The following CYP7B1 variants were observed in gnomAD, a reference collection of about 807,000 sequenced individuals.
The protein encoded by CYP7B1 is cytochrome P450 7B1.
In CYP7B1, 29 loss-of-function variants were observed where a neutral mutation model predicts 42.7. That is an observed-to-expected ratio of 0.68 (90% confidence interval 0.51 to 0.93). The LOEUF is 0.93. CYP7B1 is among the 40% of genes least tolerant of loss of function. CYP7B1 has a pLI of 0.00. For missense variants in CYP7B1, 655 were observed against 600.5 expected, an observed-to-expected ratio of 1.09 and a Z score of -0.95; for synonymous variants, 235 against 218.2, an observed-to-expected ratio of 1.08 and a Z score of -0.68.
chr8:64,754,060 G>A (rs953748081), intron 1 of CYP7B1, among the ~76,000 whole-genome samples: 1 of 152,140 alleles, frequency 6.6e-6, no homozygotes, highest in Non-Finnish European at 1.5e-5. Flanking sequence ...CAACAAAGAT[G>A]CCAGTGTGGT....
In CYP7B1 at chr8:64,697,134, A is replaced by G. The variant is rs149027475; in HGVS notation, c.123-72595T>C. 4.4e-3 allele frequency among the ~76,000 whole-genome samples: 665 copies of G among 152,270 alleles called. 3 individuals carry two copies. Among genetic ancestry groups the G allele is most frequent in the African/African-American group, 0.015 (631 of 41,556 alleles). ...CAATCTGTTTGGAGAATGAATGAAA[A>G]TGGAAGAAAATCACAAATTCTCTCC... On this transcript the variant is annotated intron_variant, in intron 1 of 5. Coordinates refer to ENST00000310193, the MANE Select transcript of CYP7B1 (RefSeq NM_004820.5).
At chr8:64,779,117 C>T (rs1016969438) in intron 1 of CYP7B1, among the ~76,000 whole-genome samples, 6 of 152,064 alleles carry the variant, frequency 3.9e-5, no homozygotes, top group African/African-American at 1.4e-4. Flanking sequence ...TTAATATTTT[C>T]ATTTTTAGTA....
intron 4 of CYP7B1, among the ~76,000 whole-genome samples, chr8:64,611,786 T>A (rs555119573): frequency 6.6e-6 from 1 of 152,122 alleles, no homozygotes; most frequent in Non-Finnish European, 1.5e-5. Context: ...ACCTTGACTT[T>A]CCAGAGTATG....
At chr8:64,693,652 C>T (rs1339115473) in intron 1 of CYP7B1, among the ~76,000 whole-genome samples, 2 of 151,980 alleles carry the variant, frequency 1.3e-5, no homozygotes, top group Non-Finnish European at 2.9e-5. Flanking sequence ...TGAGAAAGGA[C>T]CATAAAATGG....
chr8:64,749,438 G>A (rs1405001370), intron 1 of CYP7B1, among the ~76,000 whole-genome samples: 2 of 152,116 alleles, frequency 1.3e-5, no homozygotes, highest in African/African-American at 4.8e-5. Context: ...ATTAGAAGGG[G>A]GTAGAGAGAA....
At chr8:64,599,628 T>G (rs1183393785) in intron 5 of CYP7B1, among the ~76,000 whole-genome samples, 2 of 152,230 alleles carry the variant, frequency 1.3e-5, no homozygotes, top group South Asian at 2.1e-4. Context: ...TAATGATTGT[T>G]GCAGTTGACT....
At chr8:64,763,143 GGT>G (rs1352327309) in intron 1 of CYP7B1, among the ~76,000 whole-genome samples, 7 of 152,150 alleles carry the variant, frequency 4.6e-5, no homozygotes, top group Non-Finnish European at 1.0e-4. Context: ...GATCCAGCAG[GGT>G]GTCCACTGTG....
intron 1 of CYP7B1, among the ~76,000 whole-genome samples, chr8:64,659,492 C>T (rs1016739797): frequency 1.3e-5 from 2 of 152,126 alleles, no homozygotes; most frequent in African/African-American, 4.8e-5. Flanking sequence ...GGGCCTGTCA[C>T]ATAGCAAGGA....
intron 1 of CYP7B1, among the ~76,000 whole-genome samples, chr8:64,645,630 A>G (rs1022883137): frequency 3.3e-5 from 5 of 152,184 alleles, no homozygotes; most frequent in African/African-American, 9.7e-5. Flanking sequence ...GCCCAAGGTA[A>G]TTTATAGATT....
chr8:64,616,351 T>TA, intron 2 of CYP7B1, 70 bp from the exon 3 acceptor site: 6 of 984,992 alleles, frequency 6.1e-6, no homozygotes, highest in Non-Finnish European at 9.0e-6. Flanking sequence ...CACCACAAAT[T>TA]AAAAAATATG....
chr8:64,596,998 G>C (rs1805129380), intron 5 of CYP7B1, 69 bp from the exon 6 acceptor site: 2 of 1,382,040 alleles, frequency 1.4e-6, no homozygotes, highest in Admixed American at 2.1e-5. Flanking sequence ...CCACAAAGTT[G>C]CTAGCTCTCT....
chr8:64,666,603 C>G (rs576064080), intron 1 of CYP7B1, among the ~76,000 whole-genome samples: 1 of 152,216 alleles, frequency 6.6e-6, no homozygotes, highest in East Asian at 1.9e-4. Flanking sequence ...CAGCTTGCCA[C>G]AGTGGGCAGG....
intron 4 of CYP7B1, among the ~76,000 whole-genome samples, chr8:64,611,024 CATA>C (rs1220451066): frequency 6.6e-6 from 1 of 152,120 alleles, no homozygotes; most frequent in East Asian, 1.9e-4. Context: ...TATTATCATT[CATA>C]ATATCTTATC....
intron 2 of CYP7B1, among the ~76,000 whole-genome samples, chr8:64,618,570 T>TTCTCCCTC (rs1805481208): frequency 6.8e-6 from 1 of 146,248 alleles, no homozygotes; most frequent in Non-Finnish European, 1.5e-5. Context: ...CACATTCATT[T>TTCTCCCTC]TCTCTCTCTC....
At chr8:64,664,501 T>C (rs1193097342) in intron 1 of CYP7B1, among the ~76,000 whole-genome samples, 4 of 152,076 alleles carry the variant, frequency 2.6e-5, no homozygotes, top group African/African-American at 4.8e-5. Flanking sequence ...AACCAAGACT[T>C]AGGAGAGGTA....
In CYP7B1 at chr8:64,590,884, G is replaced by A. The variant is rs1021294379; in HGVS notation, c.*5758C>T. 6.6e-6 allele frequency among the ~76,000 whole-genome samples: 1 copy of A among 151,990 alleles called. No homozygotes were observed. The highest frequency in any genetic ancestry group is 2.4e-5 in the African/African-American group (1 of 41,422). Reference sequence around the variant, plus strand: ...AAAGTTAATTTATTAAATTTTTGTTGTACATAAAAGAACATTAAGTATTAG... The same window carrying A: ...AAAGTTAATTTATTAAATTTTTGTTATACATAAAAGAACATTAAGTATTAG... On this transcript the variant is annotated 3_prime_UTR_variant, in exon 6 of 6. Transcript: ENST00000310193.
At chr8:64,652,804 A>C (rs1233138576) in intron 1 of CYP7B1, among the ~76,000 whole-genome samples, 1 of 152,222 alleles carries the variant, frequency 6.6e-6, no homozygotes, top group Non-Finnish European at 1.5e-5. Flanking sequence ...AGATCGTGCC[A>C]CTGCACTCCA....
At chr8:64,615,359 A>G (rs570363450) in intron 3 of CYP7B1, 127 bp from the exon 4 acceptor site, 347 of 876,630 alleles carry the variant, frequency 4.0e-4, no homozygotes, top group Middle Eastern at 3.0e-3. Context: ...ATGAGAACCA[A>G]TAGGCTTCTG....
chr8:64,610,061 C>T (rs1393138045), intron 4 of CYP7B1, among the ~76,000 whole-genome samples: 2 of 152,148 alleles, frequency 1.3e-5, no homozygotes, highest in Non-Finnish European at 2.9e-5. Flanking sequence ...GCTTCAAACC[C>T]TTTTCTGCTG....
Sources: gnomAD v4.1 joint callset for allele counts (sites outside exome capture counted in the v4.1 genomes callset) on GRCh38, gnomAD v4.1.1 for gene constraint, MANE v1.5 for transcripts, NCBI Gene and HGNC (gene_info 2026-07-23, HGNC 2026-07-21) for gene names.